The following SCRN1 variants were observed in gnomAD, a reference collection of about 807,000 sequenced individuals.
SCRN1 encodes the protein secernin 1, also known as secernin-1.
A neutral mutation model predicts 43.3 loss-of-function variants in SCRN1; 19 were observed. The observed-to-expected ratio is 0.44, with a 90% confidence interval of 0.31 to 0.64. The LOEUF (loss-of-function observed/expected upper bound fraction) is 0.64. SCRN1 is among the 30% of genes least tolerant of loss of function. The pLI is 0.09. For missense variants in SCRN1, 447 were observed against 524.1 expected, an observed-to-expected ratio of 0.85 and a Z score of 1.44; for synonymous variants, 183 against 188.9, an observed-to-expected ratio of 0.97 and a Z score of 0.26.
At chr7:29,955,449 A>C (rs1469711284) in intron 2 of SCRN1, 89 bp from the exon 3 acceptor site, 2 of 1,270,490 alleles carry the variant, frequency 1.6e-6, no homozygotes, top group African/African-American at 3.0e-5. Context: ...CCATCATATT[A>C]GTTACAAACA....
chr7:29,946,403 A>C (rs1268065544), intron 3 of SCRN1, among the ~76,000 whole-genome samples: 1 of 152,228 alleles, frequency 6.6e-6, no homozygotes, highest in Non-Finnish European at 1.5e-5. Context: ...CCCTGGTCAC[A>C]ATGCCTCATA....
intron 1 of SCRN1, among the ~76,000 whole-genome samples, chr7:29,976,080 T>C (rs978414296): frequency 6.6e-6 from 1 of 152,098 alleles, no homozygotes; most frequent in Non-Finnish European, 1.5e-5. Flanking sequence ...GTTGGCAGAG[T>C]ATAAAAAAAT....
chr7:29,977,155 G>A (rs566145793), intron 1 of SCRN1, among the ~76,000 whole-genome samples: 2 of 152,222 alleles, frequency 1.3e-5, no homozygotes, highest in East Asian at 3.9e-4. Flanking sequence ...ATAAGCTATC[G>A]GTTTATTAAG....
chr7:29,941,162 T>C (rs565981840), intron 4 of SCRN1, among the ~76,000 whole-genome samples: 7 of 152,370 alleles, frequency 4.6e-5, no homozygotes, highest in Admixed American at 3.3e-4. Flanking sequence ...GCTCTTCATT[T>C]TGGCTAAATA....
At chr7:29,949,380 CTT>C (rs796277151) in intron 3 of SCRN1, among the ~76,000 whole-genome samples, 146 of 135,552 alleles carry the variant, frequency 1.1e-3, no homozygotes, top group South Asian at 2.2e-3. Flanking sequence ...TTCCTTCACT[CTT>C]TTTTTTTTTT....
chr7:29,953,232 A>G (rs1185667055), intron 3 of SCRN1, among the ~76,000 whole-genome samples: 1 of 152,200 alleles, frequency 6.6e-6, no homozygotes, highest in Non-Finnish European at 1.5e-5. Flanking sequence ...ATCTTCTTAT[A>G]TTATTCTTAA....
At chr7:29,928,037 C>T (rs547054302) in intron 6 of SCRN1, among the ~76,000 whole-genome samples, 33 of 152,238 alleles carry the variant, frequency 2.2e-4, no homozygotes, top group Admixed American at 2.0e-3. Context: ...GTGGAAGAGT[C>T]GCTGGAACCC....
Position 29,921,842 on chromosome 7 carries a change from A to G in SCRN1, c.*2115T>C, listed in dbSNP as rs1786770442. ...GGCTTCTGTGTAATTAATTCTTACT[A>G]GACTTCTTTTGATCAAATCCTGAAT... On this transcript the variant is annotated 3_prime_UTR_variant, in exon 8 of 8. Transcript: ENST00000242059. The G allele has an allele frequency of 6.6e-6, 1 of 152,202 alleles. No individual in the cohort carries two copies. Among genetic ancestry groups the G allele is most frequent in the Admixed American group, 6.5e-5 (1 of 15,288 alleles). 9.4% of individuals were successfully genotyped at this position (152,202 alleles called of 1,614,324 possible).
At chr7:29,987,449 C>G (rs545760537) in intron 1 of SCRN1, among the ~76,000 whole-genome samples, 5 of 152,288 alleles carry the variant, frequency 3.3e-5, no homozygotes, top group African/African-American at 1.2e-4. Flanking sequence ...ATAAACTGGC[C>G]TAATGGTTCT....
intron 2 of SCRN1, among the ~76,000 whole-genome samples, chr7:29,955,596 T>C (rs1437244015): frequency 3.3e-5 from 5 of 152,238 alleles, no homozygotes; most frequent in Non-Finnish European, 7.3e-5. Context: ...AGGGCAATCA[T>C]CTTGAACCAG....
chr7:29,986,717 A>ATTTTTTTTTTTTTTTTTTTTTTT (rs553845779), intron 1 of SCRN1, among the ~76,000 whole-genome samples: 1 of 99,852 alleles, frequency 1.0e-5, no homozygotes, highest in Admixed American at 1.3e-4. Context: ...AATTTTTTTA[A>ATTTTTTTTTTTTTTTTTTTTTTT]TTTTTTTTTT....
intron 1 of SCRN1, among the ~76,000 whole-genome samples, chr7:29,978,449 C>T (rs960114321): frequency 6.6e-6 from 1 of 152,106 alleles, no homozygotes; most frequent in African/African-American, 2.4e-5. Flanking sequence ...ATGAAAGCGC[C>T]ACCTCTCCTC....
chr7:29,955,440 C>G, intron 2 of SCRN1, 80 bp from the exon 3 acceptor site: 1 of 1,355,928 alleles, frequency 7.4e-7, no homozygotes, highest in Non-Finnish European at 1.0e-6. Flanking sequence ...TATACTGAAC[C>G]ATCATATTAG....
chr7:29,962,429 G>C (rs930549436), intron 2 of SCRN1, among the ~76,000 whole-genome samples: 1 of 152,050 alleles, frequency 6.6e-6, no homozygotes, highest in Admixed American at 6.5e-5. Flanking sequence ...GCTCACGCCT[G>C]TAATCCCAAC....
chr7:29,929,367 T>C (rs1165487511), intron 6 of SCRN1, among the ~76,000 whole-genome samples: 1 of 152,186 alleles, frequency 6.6e-6, no homozygotes, highest in East Asian at 1.9e-4. Context: ...CTGCGGAGCC[T>C]ACTGAGCAGG....
chr7:29,927,471 G>C (rs1419990086), intron 6 of SCRN1, among the ~76,000 whole-genome samples: 1 of 151,644 alleles, frequency 6.6e-6, no homozygotes, highest in East Asian at 2.0e-4. Flanking sequence ...ACGCCGGGGA[G>C]AGAGCCTTAT....
chr7:29,941,197 T>C (rs757757), intron 4 of SCRN1, among the ~76,000 whole-genome samples: 150,729 of 152,298 alleles, frequency 0.99, 74,599 homozygotes, highest in East Asian at 1. Flanking sequence ...ATTAGTTACA[T>C]GCAAAAAAAG....
rs1430092689 is a variant in SCRN1 at position 29,921,416 on chromosome 7, C to T, written c.*2541G>A. On this transcript the variant is annotated 3_prime_UTR_variant, in exon 8 of 8. Coordinates refer to ENST00000242059, the MANE Select transcript of SCRN1 (RefSeq NM_014766.5). ...CTCACTATAACAGCCTGCTCAAAAC[C>T]CAACAACCTATTTCCAGCTGTTAAT... is the stretch of plus-strand genomic sequence containing the variant. The T allele has an allele frequency of 2.0e-5, 3 of 152,266 alleles. No individual in the cohort carries two copies. Among genetic ancestry groups the T allele is most frequent in the African/African-American group, 7.2e-5 (3 of 41,554 alleles). 9.4% of individuals were successfully genotyped at this position (152,266 alleles called of 1,614,324 possible).
At chr7:29,967,117 T>C (rs757596102) in intron 2 of SCRN1, among the ~76,000 whole-genome samples, 3 of 151,970 alleles carry the variant, frequency 2.0e-5, no homozygotes, top group Non-Finnish European at 4.4e-5. Flanking sequence ...GCTTCTTCAT[T>C]TACTAGCCCT....
Sources: gnomAD v4.1 joint callset for allele counts (sites outside exome capture counted in the v4.1 genomes callset) on GRCh38, gnomAD v4.1.1 for gene constraint, MANE v1.5 for transcripts, NCBI Gene and HGNC (gene_info 2026-07-23, HGNC 2026-07-21) for gene names.